The following LILRB5 variants were observed in gnomAD, a reference collection of about 807,000 sequenced individuals.
LILRB5 encodes leukocyte immunoglobulin like receptor B5.
LILRB5 carries 61 observed loss-of-function variants against 68.4 expected under a neutral mutation model. That is an observed-to-expected ratio of 0.89 (90% CI 0.73 to 1.10). The LOEUF is 1.10. Ranked by LOEUF, LILRB5 falls within the 50% of genes least tolerant of loss-of-function variation. The pLI is 0.00. For synonymous variants in LILRB5, 356 were observed against 315.8 expected (o/e 1.13, Z -1.35); for missense variants, 771 against 751.6 (o/e 1.03, Z -0.30).
rs1555898879 is a variant in LILRB5 at position 54,254,642 on chromosome 19, C to CG, written c.1255+92dup. The CG allele has an allele frequency of 2.7e-6, 4 of 1,504,166 alleles. No homozygotes were observed. The East Asian group carries it at 6.9e-5, about 26-fold the overall frequency. The allele number at this position is 1,504,166 out of a possible 1,614,324, so 93.2% of individuals were successfully genotyped here. ...TGAGCCCCCCTCAAACCCTCCCCCC[C>CG]GCACCGCGACTCCATCCCAGCCCAG... On this transcript the variant is annotated intron_variant, in intron 6 of 12. Coordinates refer to ENST00000449561, the MANE Select transcript of LILRB5 (RefSeq NM_001081442.3).
chr19:54,252,017 G>A (rs368262512), intron 12 of LILRB5, 37 bp downstream of exon 12: 138 of 1,591,532 alleles, frequency 8.7e-5, no homozygotes, highest in Non-Finnish European at 1.2e-4. Flanking sequence ...CTGGCACCAG[G>A]AGGCCTTTGG....
intron 11 of LILRB5, 91 bp from the exon 12 acceptor site, chr19:54,252,197 G>T (rs2078979717): frequency 4.6e-6 from 7 of 1,512,210 alleles, no homozygotes; most frequent in Non-Finnish European, 6.4e-6. Flanking sequence ...CACTAGGGTG[G>T]CTGAGATCCA....
In LILRB5 at chr19:54,254,799, G is replaced by T. The variant is rs200996311; in HGVS notation, c.1191C>A (p.Ser397Arg). The T allele has an allele frequency of 4.3e-6, 7 of 1,614,052 alleles. No homozygotes were observed. Among genetic ancestry groups the T allele is most frequent in the Admixed American group, 1.7e-5 (1 of 60,006 alleles). Residue 397 changes from serine (S) to arginine (R), a missense_variant, in exon 6 of 13, where the codon AGC (serine) becomes AGA (arginine). Transcript: ENST00000449561. ...SAQGGTYRCY[S>R]AIRSYPYLLS... ...GCAGGTAGGGGTAGGACCTGATTGC[G>T]CTGTAGCATCGGTAGGTTCCACCCT...
chr19:54,254,286 A>T (rs940221672), intron 7 of LILRB5, 79 bp downstream of exon 7: 2 of 1,504,810 alleles, frequency 1.3e-6, no homozygotes, highest in African/African-American at 2.8e-5. Context: ...CTTTGAGGGG[A>T]ATAGGATCCT....
intron 7 of LILRB5, 145 bp from the exon 8 acceptor site, chr19:54,254,213 G>C (rs527892378): frequency 6.8e-7 from 1 of 1,465,678 alleles, no homozygotes; most frequent in Non-Finnish European, 9.2e-7. Flanking sequence ...TCAGAGCCCC[G>C]GGGAGCCTGT....
rs773059613 is a variant in LILRB5, at chr19:54,254,919, C to A, written c.1071G>T (p.Lys357Asn). Residue 357 changes from lysine (K) to asparagine (N), a missense_variant, in exon 6 of 13, where the codon AAG (lysine) becomes AAT (asparagine). Physicochemically the swap from Lys to Asn is moderately conservative, Grantham distance 94. Coordinates refer to ENST00000449561, the MANE Select transcript of LILRB5 (RefSeq NM_001081442.3). ...WHQIDTFFLTKEGAAHPPLCL... is the reference protein window; with the variant it reads ...WHQIDTFFLTNEGAAHPPLCL... ...ACAGCGGGGGATGGGCTGCCCCCTCCTTGGTCAAAAAGAAAGTGTCTATCT... is the reference window on the plus strand; with the variant it reads ...ACAGCGGGGGATGGGCTGCCCCCTCATTGGTCAAAAAGAAAGTGTCTATCT... 7.4e-6 allele frequency: 12 copies of A among 1,613,886 alleles called. No individual in the cohort carries two copies. In the Admixed American group the frequency reaches 1.8e-4, roughly 25 times the overall value.
In LILRB5 at chr19:54,250,664, G is replaced by T; in HGVS notation, c.*122C>A. 3 of 1,235,766 alleles carry T rather than the reference G, an allele frequency of 2.4e-6. No individual in the cohort carries two copies. Among genetic ancestry groups the T allele is most frequent in the East Asian group, 2.4e-5 (1 of 42,156 alleles). The allele number at this position is 1,235,766 out of a possible 1,614,324, so 76.6% of individuals were successfully genotyped here. On this transcript the variant is annotated 3_prime_UTR_variant, in exon 13 of 13. Coordinates refer to ENST00000449561, the MANE Select transcript of LILRB5 (RefSeq NM_001081442.3). ...GTCCCAGAGTTCCCAGGATGTCCTG[G>T]TGGTCTTTGTTAGGGGTCCAGGCTG... is the stretch of plus-strand genomic sequence containing the variant.
rs1047897541 is a variant in LILRB5, at chr19:54,252,283, A to T, written c.1576+83T>A. The T allele has an allele frequency of 3.6e-6, 5 of 1,398,684 alleles. No individual in the cohort carries two copies. In the African/African-American group the frequency reaches 5.7e-5, roughly 16 times the overall value. The allele number at this position is 1,398,684 out of a possible 1,614,324, so 86.6% of individuals were successfully genotyped here. ...TCCCCCTTGGCCCCAGACCCCCCCC[A>T]GCCTGTGCTCCTGCCCCCATTGCTA... On this transcript the variant is annotated intron_variant, in intron 11 of 12. Transcript: ENST00000449561.
At position 54,250,952 on chromosome 19, in the gene LILRB5, G is replaced by C. The variant is rs1601014398; in HGVS notation, c.1630-20C>G. On this transcript the variant is annotated intron_variant, in intron 12 of 12. Transcript: ENST00000449561. The stretch of plus-strand genomic sequence containing the variant: ...AGCAGCCTGCAGCGGGGGAGAGTGA[G>C]AGGGAAGGAACGTGGTGGGGGTGGG... 1 of 1,542,298 alleles carries C rather than the reference G, an allele frequency of 6.5e-7. No individual in the cohort carries two copies. Among genetic ancestry groups the C allele is most frequent in the Non-Finnish European group, 8.8e-7 (1 of 1,137,530 alleles).
chr19:54,251,278 T>C (rs919363601), intron 12 of LILRB5: 15 of 918,438 alleles, frequency 1.6e-5, no homozygotes, highest in East Asian at 2.6e-5. Context: ...CCTGATGGAA[T>C]CTCAGGGACG....
intron 4 of LILRB5, 62 bp from the exon 5 acceptor site, chr19:54,255,644 C>A: frequency 1.3e-6 from 2 of 1,494,178 alleles, no homozygotes; most frequent in East Asian, 2.4e-5. Context: ...TTCCTTCTCC[C>A]GTCCTGGCGT....
intron 3 of LILRB5, 58 bp downstream of exon 3, chr19:54,256,431 A>C: frequency 6.2e-7 from 1 of 1,601,020 alleles, no homozygotes; most frequent in Non-Finnish European, 8.5e-7. Context: ...CGTCCCTAAG[A>C]GCCGACCCTC....
At chr19:54,253,662 C>A (rs1601029132) in intron 8 of LILRB5, 1 of 647,340 alleles carries the variant, frequency 1.5e-6, no homozygotes. Context: ...CTGCCTGGGC[C>A]CACGGTGGGA....
chr19:54,251,796 C>T, intron 12 of LILRB5: 1 of 695,206 alleles, frequency 1.4e-6, no homozygotes, highest in Non-Finnish European at 2.7e-6. Flanking sequence ...CCTCATCCTC[C>T]TGAGGCCTGG....
In LILRB5 at chr19:54,254,912, C is replaced by A. The variant is rs1356480487; in HGVS notation, c.1078G>T (p.Ala360Ser). 6.2e-7 allele frequency: 1 copy of A among 1,614,064 alleles called. No homozygotes were observed. The highest frequency in any genetic ancestry group is 2.2e-5 in the East Asian group (1 of 44,870). ...TTTAGACACAGCGGGGGATGGGCTG[C>A]CCCCTCCTTGGTCAAAAAGAAAGTG... The part of the protein sequence containing the change: ...IDTFFLTKEG[A>S]AHPPLCLKSK... The change falls in exon 6 of 13, where the codon GCA becomes TCA. Residue 360 changes from alanine to serine, a missense_variant. Ala to Ser is a moderately conservative substitution (Grantham distance 99). Coordinates refer to ENST00000449561, the MANE Select transcript of LILRB5 (RefSeq NM_001081442.3).
chr19:54,254,681 G>T, intron 6 of LILRB5, 54 bp downstream of exon 6: 1 of 1,600,802 alleles, frequency 6.2e-7, no homozygotes. Context: ...TCTCCTGGGG[G>T]CAGGGCCTGA....
In LILRB5 at chr19:54,250,485, C is replaced by T. The variant is rs1405170519; in HGVS notation, c.*301G>A. ...CTCATTTGTAGTTTTCCGATTTCATCATTTAATGTGTAATATTTACATTAT... is the reference window on the plus strand; with the variant it reads ...CTCATTTGTAGTTTTCCGATTTCATTATTTAATGTGTAATATTTACATTAT... On this transcript the variant is annotated 3_prime_UTR_variant, in exon 13 of 13. Transcript: ENST00000449561. The T allele has an allele frequency of 5.4e-6, 2 of 372,616 alleles. No individual in the cohort carries two copies. Among genetic ancestry groups the T allele is most frequent in the African/African-American group, 2.0e-5 (1 of 48,924 alleles). The allele number at this position is 372,616 out of a possible 1,614,324, so 23.1% of individuals were successfully genotyped here. A position where few individuals can be genotyped will look rare whatever the true frequency, so the allele number is the denominator to read the frequency against.
In LILRB5 at chr19:54,255,459, T is replaced by C. The variant is rs2147652536; in HGVS notation, c.779A>G (p.Glu260Gly). ...YDIFVLYKEG[E>G]HDLVQGSGQQ... ...GCCAGAGCCCTGGACGAGGTCATGT[T>C]CCCCCTCCTTGTACAGAACGAATAT... Residue 260 changes from glutamate (E) to glycine (G), a missense_variant, in exon 5 of 13, where the codon GAA (glutamate) becomes GGA (glycine). Transcript: ENST00000449561. 1 of 1,613,724 alleles carries C rather than the reference T, an allele frequency of 6.2e-7. No individual in the cohort carries two copies. The highest frequency in any genetic ancestry group is 8.5e-7 in the Non-Finnish European group (1 of 1,179,912).
chr19:54,253,117 AC>A (rs2079015515), intron 8 of LILRB5, 130 bp from the exon 9 acceptor site: 4 of 383,106 alleles, frequency 1.0e-5, no homozygotes, highest in Admixed American at 4.0e-5. Context: ...GGGATTGCCA[AC>A]CCCCCAATTC....
Sources: allele counts gnomAD v4.1 joint callset, GRCh38; gene constraint gnomAD v4.1.1; transcripts MANE v1.5; gene names NCBI Gene and HGNC (gene_info 2026-07-23, HGNC 2026-07-21).